Variants in DLG1 observed in about 807,000 individuals in gnomAD.
The protein encoded by DLG1 is discs large MAGUK scaffold protein 1.
DLG1 carries 42 observed loss-of-function variants against 123.4 expected under a neutral mutation model. That is an observed-to-expected ratio of 0.34 (90% CI 0.27 to 0.44). The LOEUF (loss-of-function observed/expected upper bound fraction) is 0.44. Among genes scored for constraint, DLG1 ranks in the 20% least tolerant of loss-of-function variants. The pLI is 1.00. For missense variants in DLG1, 942 were observed against 1,082.6 expected (o/e 0.87, Z 1.82); for synonymous variants, 317 against 356.2 (o/e 0.89, Z 1.24).
At chr3:197,053,711 T>C (rs947920315) in intron 23 of DLG1, among the ~76,000 whole-genome samples, 3 of 149,210 alleles carry the variant, frequency 2.0e-5, no homozygotes, top group Admixed American at 6.7e-5. Context: ...GGCAGAGAGG[T>C]TGCAGTGAGC....
At position 197,073,993 on chromosome 3, in the gene DLG1, C is replaced by T. The variant is rs564644363; in HGVS notation, c.2005+2593G>A. 1.6e-4 allele frequency among the ~76,000 whole-genome samples: 25 copies of T among 152,260 alleles called. No individual in the cohort carries two copies. The South Asian group carries it at 3.7e-3, about 23-fold the overall frequency. ...AAGATTTTGCTTAGTTTATTCCCTACATTCTTAACTTCAGAATGTAAGTAA... is the reference window on the plus strand; with the variant it reads ...AAGATTTTGCTTAGTTTATTCCCTATATTCTTAACTTCAGAATGTAAGTAA... On this transcript the variant is annotated intron_variant, in intron 18 of 24. Transcript: ENST00000667157.
intron 5 of DLG1, among the ~76,000 whole-genome samples, chr3:197,167,297 C>G (rs1024830656): frequency 6.6e-6 from 1 of 152,130 alleles, no homozygotes; most frequent in African/African-American, 2.4e-5. Flanking sequence ...GTAATTCATT[C>G]AAGAAATATT....
At chr3:197,171,037 G>A (rs1003222586) in intron 5 of DLG1, among the ~76,000 whole-genome samples, 1 of 152,002 alleles carries the variant, frequency 6.6e-6, no homozygotes. Flanking sequence ...ATCTTATTTT[G>A]GTTTTGTATG....
At chr3:197,067,018 A>C (rs546295629) in intron 19 of DLG1, among the ~76,000 whole-genome samples, 2 of 152,232 alleles carry the variant, frequency 1.3e-5, no homozygotes, top group African/African-American at 4.8e-5. Flanking sequence ...AAAAATCTTC[A>C]TTTGTGATGC....
intron 11 of DLG1, among the ~76,000 whole-genome samples, chr3:197,127,495 T>TATATATATAA (rs1553936756): frequency 2.0e-5 from 1 of 49,422 alleles, no homozygotes; most frequent in Non-Finnish European, 3.9e-5. Context: ...TATATATATA[T>TATATATATAA]AAAGTAAGAA....
At position 197,043,351 on chromosome 3, in the gene DLG1, C is replaced by A. The variant is rs1560256058; in HGVS notation, c.*1272G>T. Reference sequence around the variant, plus strand: ...ACAACAGTAACAACACGGACAACAACAAAAAACCTCAGGAACCATTTGAAA... The same window carrying A: ...ACAACAGTAACAACACGGACAACAAAAAAAAACCTCAGGAACCATTTGAAA... On this transcript the variant is annotated 3_prime_UTR_variant, in exon 25 of 25. Coordinates refer to ENST00000667157, the MANE Select transcript of DLG1 (RefSeq NM_001366207.1). The A allele has an allele frequency of 2.6e-5, 4 of 152,036 alleles. No individual in the cohort carries two copies. The highest frequency in any genetic ancestry group is 5.9e-5 in the Non-Finnish European group (4 of 67,996). The allele number at this position is 152,036 out of a possible 1,614,324, so 9.4% of individuals were successfully genotyped here.
chr3:197,109,882 C>G (rs1768831190), intron 13 of DLG1, among the ~76,000 whole-genome samples: 1 of 152,184 alleles, frequency 6.6e-6, no homozygotes, highest in Non-Finnish European at 1.5e-5. Flanking sequence ...TGTTGAGGAT[C>G]CCTTGCACGT....
At chr3:197,144,039 G>C (rs1036137114) in intron 6 of DLG1, among the ~76,000 whole-genome samples, 1 of 152,128 alleles carries the variant, frequency 6.6e-6, no homozygotes, top group South Asian at 2.1e-4. Flanking sequence ...AATCAAATGT[G>C]GACTGTGATA....
At chr3:197,129,730 T>C (rs1169072997) in intron 11 of DLG1, among the ~76,000 whole-genome samples, 1 of 152,154 alleles carries the variant, frequency 6.6e-6, no homozygotes, top group Non-Finnish European at 1.5e-5. Flanking sequence ...ATTGTAGATT[T>C]ATTAACTGGC....
intron 22 of DLG1, among the ~76,000 whole-genome samples, chr3:197,064,462 G>A (rs191215218): frequency 2.1e-4 from 32 of 152,276 alleles, no homozygotes; most frequent in African/African-American, 7.5e-4. Flanking sequence ...CAAAGCGCTG[G>A]GATTACAGGC....
intron 4 of DLG1, among the ~76,000 whole-genome samples, chr3:197,271,756 A>G (rs895469097): frequency 6.6e-6 from 1 of 152,244 alleles, no homozygotes; most frequent in African/African-American, 2.4e-5. Flanking sequence ...ACACAGAAGA[A>G]TATCTAACTA....
intron 4 of DLG1, among the ~76,000 whole-genome samples, chr3:197,219,653 G>A (rs1735910356): frequency 6.6e-6 from 1 of 152,168 alleles, no homozygotes; most frequent in South Asian, 2.1e-4. Flanking sequence ...AGGTGATTAA[G>A]ATGTGGCCAT....
chr3:197,065,196 G>A (rs1488187348), intron 22 of DLG1, 80 bp downstream of exon 22: 1 of 1,332,198 alleles, frequency 7.5e-7, no homozygotes, highest in East Asian at 2.5e-5. Context: ...AATTAGTGCT[G>A]TATCTATCCT....
At chr3:197,270,702 T>G (rs1763557960) in intron 4 of DLG1, among the ~76,000 whole-genome samples, 1 of 152,122 alleles carries the variant, frequency 6.6e-6, no homozygotes, top group African/African-American at 2.4e-5. Flanking sequence ...AAACGTACCT[T>G]TCCCGTGGAA....
intron 4 of DLG1, among the ~76,000 whole-genome samples, chr3:197,278,329 G>A (rs1163561547): frequency 6.8e-6 from 1 of 147,692 alleles, no homozygotes; most frequent in Non-Finnish European, 1.5e-5. Context: ...TTTTAGCTGG[G>A]TGTGGTGGTG....
intron 10 of DLG1, 56 bp downstream of exon 10, chr3:197,136,486 A>C: frequency 6.8e-7 from 1 of 1,469,014 alleles, no homozygotes; most frequent in Non-Finnish European, 9.3e-7. Flanking sequence ...AGTATCTATC[A>C]GAAAAATAAA....
At position 197,201,155 on chromosome 3, in the gene DLG1, G is replaced by A. The variant is rs192215753; in HGVS notation, c.319-6566C>T. On this transcript the variant is annotated intron_variant, in intron 4 of 24. Transcript: ENST00000667157. ...TCCCAGCACTTTGGGAGGCCGAGGCGGGAGGATCACGAGGTCAGGAGATCG... is the reference window on the plus strand; with the variant it reads ...TCCCAGCACTTTGGGAGGCCGAGGCAGGAGGATCACGAGGTCAGGAGATCG... 6.1e-3 allele frequency among the ~76,000 whole-genome samples: 934 copies of A among 152,276 alleles called. 17 individuals carry two copies. Among genetic ancestry groups the A allele is most frequent in the Admixed American group, 0.035 (541 of 15,304 alleles).
At chr3:197,108,630 T>C (rs1169823104) in intron 13 of DLG1, among the ~76,000 whole-genome samples, 1 of 152,146 alleles carries the variant, frequency 6.6e-6, no homozygotes, top group African/African-American at 2.4e-5. Flanking sequence ...CCTTTAGTAA[T>C]AATGTTTTTC....
At chr3:197,288,496 C>T (rs1283719896) in intron 3 of DLG1, among the ~76,000 whole-genome samples, 5 of 150,426 alleles carry the variant, frequency 3.3e-5, no homozygotes, top group African/African-American at 2.4e-5. Context: ...CTGAGGCGGG[C>T]GGATCACCTG....
Sources: allele counts gnomAD v4.1 joint callset (sites outside exome capture counted in the v4.1 genomes callset), GRCh38; gene constraint gnomAD v4.1.1; transcripts MANE v1.5; gene names NCBI Gene and HGNC (gene_info 2026-07-23, HGNC 2026-07-21).